The following KIZ variants were observed in gnomAD, a reference collection of about 807,000 sequenced individuals.
The protein encoded by KIZ is centrosomal protein kizuna.
In KIZ, 68 loss-of-function variants were observed where a neutral mutation model predicts 79.6. The observed-to-expected ratio is 0.85, with a 90% CI of 0.70 to 1.05. The LOEUF (loss-of-function observed/expected upper bound fraction) is 1.05, where lower values mean the gene tolerates loss of function less well. Ranked by LOEUF, KIZ falls within the 50% of genes least tolerant of loss-of-function variation. The pLI, the probability that KIZ is intolerant of heterozygous loss-of-function variation, is 0.00. For missense variants in KIZ, 797 were observed against 800.4 expected, an observed-to-expected ratio of 1.00 and a Z score of 0.05; for synonymous variants, 280 against 281.8, an observed-to-expected ratio of 0.99 and a Z score of 0.06.
At chr20:21,131,196 T>G (rs1245354337) in intron 1 of KIZ, among the ~76,000 whole-genome samples, 4 of 152,210 alleles carry the variant, frequency 2.6e-5, no homozygotes, top group Admixed American at 2.6e-4. Context: ...TTTGGCTGCC[T>G]CTGCTTCCTC....
chr20:21,126,419 C>A (rs1472955241), intron 1 of KIZ, among the ~76,000 whole-genome samples: 2 of 152,006 alleles, frequency 1.3e-5, no homozygotes, highest in African/African-American at 2.4e-5. Flanking sequence ...AGAGACCGCC[C>A]CCGCCCCGTC....
intron 2 of KIZ, among the ~76,000 whole-genome samples, chr20:21,135,499 C>T (rs1054662391): frequency 2.6e-5 from 4 of 152,196 alleles, no homozygotes; most frequent in African/African-American, 7.2e-5. Context: ...AATTGTTGGC[C>T]TAGGATTGGA....
chr20:21,145,163 AT>A (rs200950637), intron 3 of KIZ, among the ~76,000 whole-genome samples: 3 of 129,170 alleles, frequency 2.3e-5, no homozygotes, highest in East Asian at 2.2e-4. Flanking sequence ...AGTAGGATTG[AT>A]TTTTTTTGTT....
intron 4 of KIZ, among the ~76,000 whole-genome samples, chr20:21,155,549 C>T (rs932019762): frequency 3.9e-5 from 6 of 151,984 alleles, no homozygotes; most frequent in Non-Finnish European, 7.4e-5. Flanking sequence ...GGGAGTTACG[C>T]TAAAAGGTAT....
chr20:21,172,103 T>G (rs1260314119), intron 6 of KIZ, among the ~76,000 whole-genome samples: 1 of 152,216 alleles, frequency 6.6e-6, no homozygotes, highest in Non-Finnish European at 1.5e-5. Flanking sequence ...GCATGAGATG[T>G]AATGACTTGG....
chr20:21,221,761 A>G (rs2036508886), intron 9 of KIZ, among the ~76,000 whole-genome samples: 1 of 152,150 alleles, frequency 6.6e-6, no homozygotes, highest in Admixed American at 6.5e-5. Context: ...TTTTACATCA[A>G]TTTGGAAAAG....
chr20:21,182,060 C>A (rs2034676799), intron 6 of KIZ, among the ~76,000 whole-genome samples: 1 of 152,162 alleles, frequency 6.6e-6, no homozygotes. Flanking sequence ...AGCAGCAGTG[C>A]TATTATGGAC....
At chr20:21,191,898 T>C (rs1238885998) in intron 6 of KIZ, among the ~76,000 whole-genome samples, 1 of 149,956 alleles carries the variant, frequency 6.7e-6, no homozygotes, top group African/African-American at 2.5e-5. Flanking sequence ...GTAAAAGGAG[T>C]TTAGTGAGAG....
intron 4 of KIZ, among the ~76,000 whole-genome samples, 196 bp from the exon 5 acceptor site, chr20:21,161,675 A>G (rs2033664776): frequency 6.6e-6 from 1 of 152,172 alleles, no homozygotes. Flanking sequence ...CATTGTTATT[A>G]AAATTAAATC....
chr20:21,130,334 A>C (rs1464759630), intron 1 of KIZ, among the ~76,000 whole-genome samples: 7 of 152,204 alleles, frequency 4.6e-5, no homozygotes. Flanking sequence ...GGAATACAAC[A>C]GAAATGAAGC....
intron 6 of KIZ, among the ~76,000 whole-genome samples, chr20:21,188,548 T>G (rs542453753): frequency 6.6e-6 from 1 of 151,900 alleles, no homozygotes; most frequent in East Asian, 1.9e-4. Flanking sequence ...ACCCTTATGA[T>G]GAGGAGGAAA....
intron 11 of KIZ, among the ~76,000 whole-genome samples, chr20:21,243,351 A>G (rs1387890750): frequency 6.6e-6 from 1 of 152,166 alleles, no homozygotes; most frequent in Non-Finnish European, 1.5e-5. Context: ...TTTTTAAGCC[A>G]AAAGTCAACC....
At chr20:21,163,852 A>G (rs1274280869) in intron 6 of KIZ, among the ~76,000 whole-genome samples, 1 of 152,172 alleles carries the variant, frequency 6.6e-6, no homozygotes, top group African/African-American at 2.4e-5. Flanking sequence ...TTGTGTATCT[A>G]CTATGTAGAA....
At chr20:21,239,560 G>T (rs562823519) in intron 11 of KIZ, among the ~76,000 whole-genome samples, 112 of 152,288 alleles carry the variant, frequency 7.4e-4, no homozygotes, top group Non-Finnish European at 1.4e-3. Context: ...GGTATTCTGT[G>T]TCTCATTTTT....
At chr20:21,159,194 A>G (rs1161738576) in intron 4 of KIZ, among the ~76,000 whole-genome samples, 2 of 151,622 alleles carry the variant, frequency 1.3e-5, no homozygotes, top group South Asian at 2.1e-4. Flanking sequence ...TTTAATTTTT[A>G]ATTTTGTAGA....
intron 4 of KIZ, among the ~76,000 whole-genome samples, chr20:21,155,995 C>T (rs1158025979): frequency 6.6e-6 from 1 of 152,212 alleles, no homozygotes; most frequent in Non-Finnish European, 1.5e-5. Flanking sequence ...TACGAGGATT[C>T]TGCCCATGTA....
chr20:21,210,921 C>T (rs1600552778), intron 7 of KIZ, among the ~76,000 whole-genome samples: 1 of 151,866 alleles, frequency 6.6e-6, no homozygotes, highest in African/African-American at 2.4e-5. Flanking sequence ...ATGTTCTTTG[C>T]TCATTTTTGT....
chr20:21,193,717 A>G (rs902019512), intron 6 of KIZ, among the ~76,000 whole-genome samples: 1 of 151,960 alleles, frequency 6.6e-6, no homozygotes, highest in Admixed American at 6.6e-5. Flanking sequence ...GACATGGATG[A>G]AACTGGAAAC....
chr20:21,191,517 T>C lies in KIZ; in HGVS notation c.1353-13974T>C, dbSNP rs551601865. ...TGGGGAGGTGAGCCACAGCAAAGGC[T>C]TTGGTATTCCAAGAAAGCAACCACA... On this transcript the variant is annotated intron_variant, in intron 6 of 12. Coordinates refer to ENST00000619189, the MANE Select transcript of KIZ (RefSeq NM_018474.6). Among the ~76,000 whole-genome samples, 392 of 152,358 alleles carry C rather than the reference T, an allele frequency of 2.6e-3. 5 individuals carry two copies. Among genetic ancestry groups the C allele is most frequent in the Non-Finnish European group, 2.5e-3 (170 of 68,032 alleles).
Sources: allele counts gnomAD v4.1 joint callset (sites outside exome capture counted in the v4.1 genomes callset), GRCh38; gene constraint gnomAD v4.1.1; transcripts MANE v1.5; gene names NCBI Gene and HGNC (gene_info 2026-07-23, HGNC 2026-07-21).